The following WHAMM variants were observed in gnomAD, a reference collection of about 807,000 sequenced individuals.
WHAMM encodes WASP homolog-associated protein with actin, membranes and microtubules.
In WHAMM, 67 loss-of-function variants were observed where a neutral mutation model predicts 76.5. The ratio of observed to expected loss-of-function variants is 0.88; its 90% CI spans 0.72 to 1.07. The LOEUF (loss-of-function observed/expected upper bound fraction) is 1.07. WHAMM is among the 50% of genes least tolerant of loss of function. The probability of loss-of-function intolerance (pLI) is 0.00; values close to 1 mark genes in which losing one functional copy is unlikely to be tolerated. For synonymous variants in WHAMM, 419 were observed against 422.1 expected, an observed-to-expected ratio of 0.99 and a Z score of 0.09; for missense variants, 1,021 against 1,051.1, an observed-to-expected ratio of 0.97 and a Z score of 0.40.
At chr15:82,814,197 A>G (rs571289597) in intron 2 of WHAMM, among the ~76,000 whole-genome samples, 287 of 152,326 alleles carry the variant, frequency 1.9e-3, no homozygotes, top group Middle Eastern at 3.4e-3. Flanking sequence ...TCTAGAGTCC[A>G]GAGGAGTTAA....
At chr15:82,825,729 A>C (rs2050918967) in intron 6 of WHAMM, among the ~76,000 whole-genome samples, 1 of 151,880 alleles carries the variant, frequency 6.6e-6, no homozygotes, top group East Asian at 1.9e-4. Flanking sequence ...TGGAGGTTGC[A>C]GTGAGCCGAG....
At chr15:82,828,101 G>A (rs2050966535) in intron 8 of WHAMM, among the ~76,000 whole-genome samples, 1 of 152,136 alleles carries the variant, frequency 6.6e-6, no homozygotes, top group African/African-American at 2.4e-5. Flanking sequence ...AAAGATTCTG[G>A]AATAGGTATC....
Position 82,813,647 on chromosome 15 carries a change from A to ATTT in WHAMM, c.783+400_783+402dup, listed in dbSNP as rs10563149. Among the ~76,000 whole-genome samples, 400 of 60,128 alleles carry ATTT rather than the reference A, an allele frequency of 6.7e-3. 14 individuals are homozygous for ATTT. The highest frequency in any genetic ancestry group is 7.9e-3 in the African/African-American group (113 of 14,368). The allele number at this position is 60,128 out of a possible 152,430, so 39.4% of individuals were successfully genotyped here. A position where few individuals can be genotyped will look rare whatever the true frequency, so the allele number is the denominator to read the frequency against. On this transcript the variant is annotated intron_variant, in intron 2 of 9. Transcript: ENST00000286760. ...AGTTAAATGTTTTTTCTGGTGATGA[A>ATTT]TTTTTTTTTTTTTTTTTTTTTTTTT...
intron 6 of WHAMM, among the ~76,000 whole-genome samples, chr15:82,825,053 A>G (rs1035692968): frequency 6.6e-6 from 1 of 152,116 alleles, no homozygotes; most frequent in Non-Finnish European, 1.5e-5. Flanking sequence ...TGAAGCCAGG[A>G]TGTTGAGGCT....
At chr15:82,824,196 C>G (rs1213756412) in intron 6 of WHAMM, among the ~76,000 whole-genome samples, 2 of 116,846 alleles carry the variant, frequency 1.7e-5, no homozygotes, top group African/African-American at 6.2e-5. Context: ...CTCGCTCTGT[C>G]TCCTAGTCTG....
chr15:82,818,319 C>T (rs1190786186), intron 4 of WHAMM, among the ~76,000 whole-genome samples: 4 of 152,116 alleles, frequency 2.6e-5, no homozygotes, highest in Non-Finnish European at 5.9e-5. Context: ...GTGTATTATT[C>T]CACACTGTGT....
intron 1 of WHAMM, chr15:82,810,568 G>A (rs961883888): frequency 1.0e-6 from 1 of 985,346 alleles, no homozygotes; most frequent in Admixed American, 6.1e-5. Context: ...TAGTGTACTT[G>A]CAGCTGGGAG....
At chr15:82,815,363 C>T (rs1566992070) in intron 2 of WHAMM, among the ~76,000 whole-genome samples, 1 of 151,824 alleles carries the variant, frequency 6.6e-6, no homozygotes, top group African/African-American at 2.4e-5. Flanking sequence ...TCACTCAGCA[C>T]AATGTTTTCA....
At chr15:82,826,303 G>A in intron 6 of WHAMM, 107 bp from the exon 7 acceptor site, 2 of 1,156,044 alleles carry the variant, frequency 1.7e-6, no homozygotes, top group East Asian at 2.4e-5. Flanking sequence ...TAATATTAAT[G>A]AATGCCTTAC....
At chr15:82,825,060 G>A (rs1372012526) in intron 6 of WHAMM, among the ~76,000 whole-genome samples, 1 of 152,116 alleles carries the variant, frequency 6.6e-6, no homozygotes, top group East Asian at 1.9e-4. Flanking sequence ...AGGATGTTGA[G>A]GCTTCAGTGA....
At chr15:82,832,849 G>A (rs1416624194) in intron 9 of WHAMM, among the ~76,000 whole-genome samples, 1 of 152,150 alleles carries the variant, frequency 6.6e-6, no homozygotes, top group Non-Finnish European at 1.5e-5. Flanking sequence ...CAGCTTCAGA[G>A]GTATCCAGGT....
Position 82,830,642 on chromosome 15 carries a change from C to T in WHAMM, c.1685C>T (p.Pro562Leu). 6.2e-7 allele frequency: 1 copy of T among 1,613,920 alleles called. No homozygotes were observed. Among genetic ancestry groups the T allele is most frequent in the Non-Finnish European group, 8.5e-7 (1 of 1,179,884 alleles). ...GTCCGAAACACCTCTGGCTCAGAAC[C>T]TGTGGCTCCAAACCTGCCAAGTGAT... ...QSVRNTSGSE[P>L]VAPNLPSDLS... Residue 562 changes from proline (P) to leucine (L), a missense_variant, in exon 9 of 10, where the codon CCT becomes CTT. Physicochemically the swap from Pro to Leu is moderately conservative, Grantham distance 98 (BLOSUM62 -3). Coordinates refer to ENST00000286760, the MANE Select transcript of WHAMM (RefSeq NM_001080435.3).
At chr15:82,815,226 T>G (rs1332056406) in intron 2 of WHAMM, among the ~76,000 whole-genome samples, 3 of 147,162 alleles carry the variant, frequency 2.0e-5, no homozygotes, top group Non-Finnish European at 4.5e-5. Context: ...CAGGACATTT[T>G]CACCCCCAAA....
At chr15:82,823,007 C>T (rs2050860868) in intron 5 of WHAMM, 93 bp from the exon 6 acceptor site, 2 of 1,096,408 alleles carry the variant, frequency 1.8e-6, no homozygotes, top group South Asian at 3.1e-5. Context: ...GGTGGGATTA[C>T]AAGTGATCTT....
At chr15:82,832,676 C>T (rs891899516) in intron 9 of WHAMM, among the ~76,000 whole-genome samples, 16 of 152,104 alleles carry the variant, frequency 1.1e-4, no homozygotes, top group South Asian at 2.1e-4. Context: ...ATTGAGTTGC[C>T]GGTTAAAGTT....
chr15:82,812,041 A>C (rs2050637227), intron 1 of WHAMM, among the ~76,000 whole-genome samples: 1 of 152,132 alleles, frequency 6.6e-6, no homozygotes, highest in African/African-American at 2.4e-5. Context: ...GTCCACCTAG[A>C]TTATACACTG....
Position 82,833,213 on chromosome 15 carries a change from G to A in WHAMM, c.2123-16G>A, listed in dbSNP as rs768127808. The A allele has an allele frequency of 9.3e-6, 15 of 1,610,132 alleles. No individual in the cohort carries two copies. In the Admixed American group the frequency reaches 2.5e-4, roughly 27 times the overall value. ...GTGTTTTATTGATAGTACTAGCTCT[G>A]CTTATTCAATTTCAGGATCTATGGA... On this transcript the variant is annotated splice_polypyrimidine_tract_variant and intron_variant, in intron 9 of 9. Coordinates refer to ENST00000286760, the MANE Select transcript of WHAMM (RefSeq NM_001080435.3).
rs140834428 is a variant in WHAMM, at chr15:82,830,231, C to T, written c.1642-368C>T. On this transcript the variant is annotated intron_variant, in intron 8 of 9. Transcript: ENST00000286760. ...TTTTGGAGACGGAGTCTTGCTCTGT[C>T]GCCGGCTACTTAATATTTTGAATAG... Among the ~76,000 whole-genome samples, 67 of 144,112 alleles carry T rather than the reference C, an allele frequency of 4.6e-4. 3 individuals carry two copies. The East Asian group carries it at 0.012, about 27-fold the overall frequency. 94.5% of individuals were successfully genotyped at this position (144,112 alleles called of 152,430 possible). A position where few individuals can be genotyped will look rare whatever the true frequency, so the allele number is the denominator to read the frequency against.
In WHAMM at chr15:82,833,472, A is replaced by G. The variant is rs762045848; in HGVS notation, c.2366A>G (p.Lys789Arg). ...RSIKAALQRI[K>R]RVSADSEEDS... ...ATCAAGGCTGCGCTCCAGAGAATCA[A>G]GAGGGTGTCTGCTGACTCTGAGGAG... The change falls in exon 10 of 10, where the codon AAG becomes AGG. Residue 789 changes from lysine to arginine, a missense_variant. Physicochemically the swap from Lys to Arg is conservative, Grantham distance 26 (BLOSUM62 2). This residue lies in a region of WHAMM where 509 missense variants were observed against 492.3 expected (regional missense o/e 1.03). Coordinates refer to ENST00000286760, the MANE Select transcript of WHAMM (RefSeq NM_001080435.3). 2 of 1,614,034 alleles carry G rather than the reference A, an allele frequency of 1.2e-6. No homozygotes were observed. The highest frequency in any genetic ancestry group is 1.3e-5 in the African/African-American group (1 of 75,060).
Sources: allele counts gnomAD v4.1 joint callset (sites outside exome capture counted in the v4.1 genomes callset), GRCh38; gene constraint gnomAD v4.1.1; regional missense constraint gnomAD v4.1.1; transcripts MANE v1.5; gene names NCBI Gene and HGNC (gene_info 2026-07-23, HGNC 2026-07-21).